Variants in YIPF6 observed in about 807,000 individuals in gnomAD.
YIPF6 encodes Yip1 domain family member 6, also known as protein YIPF6.
Under a neutral mutation model 16.8 loss-of-function variants are expected in YIPF6, and 3 were observed. That is an observed-to-expected ratio of 0.18 (90% CI 0.08 to 0.46). The LOEUF (loss-of-function observed/expected upper bound fraction) is 0.46. YIPF6 is among the 20% of genes least tolerant of loss of function. The pLI is 0.98. For synonymous variants in YIPF6, 67 were observed against 61.9 expected (o/e 1.08, Z -0.38); for missense variants, 145 against 184.9 (o/e 0.78, Z 1.25).
At chrX:68,506,117 C>T (rs1031096515) in intron 1 of YIPF6, among the ~76,000 whole-genome samples, 1 of 110,674 alleles carries the variant, frequency 9.0e-6, no homozygotes, top group Non-Finnish European at 1.9e-5. Context: ...CCAGACATAT[C>T]ATCTTCATTT....
In YIPF6 at chrX:68,513,320, C is replaced by G. The variant is rs758322112; in HGVS notation, c.187-7C>G. ...TCACAATACAACAAGTTGTTTCTGT[C>G]TTTCAGATGCGTGATCTAAAAGCTG... On this transcript the variant is annotated splice_polypyrimidine_tract_variant and splice_region_variant and intron_variant, in intron 2 of 6. Transcript: ENST00000462683. The G allele has an allele frequency of 8.3e-7, 1 of 1,199,278 alleles. No homozygotes were observed. The highest frequency in any genetic ancestry group is 3.0e-5 in the East Asian group (1 of 33,484).
chrX:68,530,648 G>C (rs1260499405), intron 6 of YIPF6, among the ~76,000 whole-genome samples: 1 of 111,019 alleles, frequency 9.0e-6, no homozygotes, highest in Non-Finnish European at 1.9e-5. Flanking sequence ...CATGGGGAAA[G>C]TGTAGTATCT....
chrX:68,502,613 G>A (rs1047976710), intron 1 of YIPF6, among the ~76,000 whole-genome samples: 1 of 111,041 alleles, frequency 9.0e-6, no homozygotes, highest in Non-Finnish European at 1.9e-5. Context: ...TTCAGTTTGG[G>A]ACATGTTTAG....
At chrX:68,521,622 C>T (rs1426178099) in intron 5 of YIPF6, 125 bp downstream of exon 5, 8 of 731,374 alleles carry the variant, frequency 1.1e-5, no homozygotes, top group Non-Finnish European at 1.6e-5. Context: ...CACCCAGGCT[C>T]GAGTGCATTG....
intron 1 of YIPF6, among the ~76,000 whole-genome samples, chrX:68,499,791 C>T (rs776829703): frequency 2.7e-5 from 3 of 112,004 alleles, no homozygotes; most frequent in Non-Finnish European, 5.6e-5. Flanking sequence ...GTGCGTGTCA[C>T]CACACCAGGC....
chrX:68,502,709 G>T (rs2079045096), intron 1 of YIPF6, among the ~76,000 whole-genome samples: 1 of 111,332 alleles, frequency 9.0e-6, no homozygotes, highest in Admixed American at 9.6e-5. Context: ...AAGAGGTCTT[G>T]CCTAGAGTTG....
intron 1 of YIPF6, among the ~76,000 whole-genome samples, chrX:68,505,803 A>G (rs940797564): frequency 8.9e-6 from 1 of 112,061 alleles, no homozygotes; most frequent in Non-Finnish European, 1.9e-5. Flanking sequence ...CATATAGAAA[A>G]GTGCAAAAAT....
intron 3 of YIPF6, chrX:68,514,836 A>G (rs1334005658): frequency 1.8e-5 from 2 of 112,968 alleles, no homozygotes; most frequent in East Asian, 5.5e-4. Context: ...GAGTTCTGTC[A>G]AAACAGACAG....
At chrX:68,530,605 G>A (rs1192498072) in intron 6 of YIPF6, among the ~76,000 whole-genome samples, 3 of 111,303 alleles carry the variant, frequency 2.7e-5, no homozygotes, top group Non-Finnish European at 5.7e-5. Flanking sequence ...ATAGGCATCC[G>A]AGGGAGTGTC....
At chrX:68,523,986 C>T (rs191659603) in intron 6 of YIPF6, among the ~76,000 whole-genome samples, 46 of 112,192 alleles carry the variant, frequency 4.1e-4, no homozygotes, top group African/African-American at 1.3e-3. Flanking sequence ...ACATTAATCA[C>T]AAACTATGCG....
chrX:68,500,396 A>G (rs1157411560), intron 1 of YIPF6, among the ~76,000 whole-genome samples: 1 of 109,022 alleles, frequency 9.2e-6, no homozygotes, highest in African/African-American at 3.3e-5. Flanking sequence ...GCTCACTGCA[A>G]CCTCCACCTC....
chrX:68,534,434 T>A lies in YIPF6; in HGVS notation c.*2435T>A, dbSNP rs1204829308. ...CCGAAGATTCATTTGATGAATCCAA[T>A]TTTTTTGAAATAGACAATTCTGATG... On this transcript the variant is annotated 3_prime_UTR_variant, in exon 7 of 7. Coordinates refer to ENST00000462683, the MANE Select transcript of YIPF6 (RefSeq NM_173834.4). 1 of 111,922 alleles carries A rather than the reference T, an allele frequency of 8.9e-6. No homozygotes were observed. Among genetic ancestry groups the A allele is most frequent in the Non-Finnish European group, 1.9e-5 (1 of 53,180 alleles). The allele number at this position is 111,922 out of a possible 1,213,427, so 9.2% of individuals were successfully genotyped here.
Position 68,530,522 on chromosome X carries a change from A to C in YIPF6, c.593-1359A>C, listed in dbSNP as rs1280145922. The stretch of plus-strand genomic sequence containing the variant: ...AGACACCACTAGGGTATAAAAAAAA[A>C]CTCCTGCAGCTAGCTTGGTGTCTGC... On this transcript the variant is annotated intron_variant, in intron 6 of 6. Coordinates refer to ENST00000462683, the MANE Select transcript of YIPF6 (RefSeq NM_173834.4). Among the ~76,000 whole-genome samples, 8 of 109,361 alleles carry C rather than the reference A, an allele frequency of 7.3e-5. No homozygotes were observed. The Admixed American group carries it at 7.8e-4, about 11-fold the overall frequency. The allele number at this position is 109,361 out of a possible 115,157, so 95.0% of individuals were successfully genotyped here.
chrX:68,529,667 G>T (rs760896856), intron 6 of YIPF6, among the ~76,000 whole-genome samples: 16 of 111,662 alleles, frequency 1.4e-4, no homozygotes, highest in African/African-American at 3.3e-5. Context: ...CTGTGTGGAT[G>T]TCCTTTTTTT....
chrX:68,499,253 C>T, intron 1 of YIPF6, 130 bp downstream of exon 1: 1 of 863,279 alleles, frequency 1.2e-6, no homozygotes. Flanking sequence ...GTACCCGATG[C>T]CAGAACCAGT....
chrX:68,519,731 A>G (rs1364635444), intron 4 of YIPF6, among the ~76,000 whole-genome samples: 1 of 110,717 alleles, frequency 9.0e-6, no homozygotes, highest in Non-Finnish European at 1.9e-5. Flanking sequence ...TTATGGGTCT[A>G]AATTCACTAA....
rs779252578 is a variant in YIPF6 at position 68,537,000 on chromosome X, A to C, written c.*5001A>C. The C allele has an allele frequency of 2.7e-5, 3 of 111,857 alleles. No individual in the cohort carries two copies. Among genetic ancestry groups the C allele is most frequent in the Non-Finnish European group, 5.6e-5 (3 of 53,187 alleles). 9.2% of individuals were successfully genotyped at this position (111,857 alleles called of 1,213,427 possible). A position where few individuals can be genotyped will look rare whatever the true frequency, so the allele number is the denominator to read the frequency against. On this transcript the variant is annotated 3_prime_UTR_variant, in exon 7 of 7. Transcript: ENST00000462683. ...TAGTGTGAGAATAGAATGCCTTTCT[A>C]TTTGGGTTAAACTATGTGGGAGGAA... is the stretch of plus-strand genomic sequence containing the variant.
Position 68,522,911 on chromosome X carries a change from A to G in YIPF6, c.586A>G (p.Ile196Val), listed in dbSNP as rs778224667. The change falls in exon 6 of 7, where the codon ATA becomes GTA. Residue 196 changes from isoleucine to valine, a missense_variant. Physicochemically the swap from Ile to Val is conservative, Grantham distance 29. Transcript: ENST00000462683. ...FVVIVMFAWS[I>V]VASTAFLADS... is the part of the protein sequence containing the mutation. ...GGTGATTGTGATGTTTGCCTGGTCT[A>G]TAGTTGGTAAGTATGTACTTATTTC... is the stretch of plus-strand genomic sequence containing the variant. 1 of 1,210,601 alleles carries G rather than the reference A, an allele frequency of 8.3e-7. No individual in the cohort carries two copies. Among genetic ancestry groups the G allele is most frequent in the Non-Finnish European group, 1.1e-6 (1 of 895,297 alleles).
At chrX:68,505,812 ATAG>A (rs1226845614) in intron 1 of YIPF6, among the ~76,000 whole-genome samples, 1 of 111,977 alleles carries the variant, frequency 8.9e-6, no homozygotes, top group Non-Finnish European at 1.9e-5. Context: ...AAGTGCAAAA[ATAG>A]TAGAGAGAGT....
Sources: gnomAD v4.1 joint callset for allele counts (sites outside exome capture counted in the v4.1 genomes callset) on GRCh38, gnomAD v4.1.1 for gene constraint, MANE v1.5 for transcripts, NCBI Gene and HGNC (gene_info 2026-07-23, HGNC 2026-07-21) for gene names.